Variants in CLIC6 observed in about 807,000 individuals in gnomAD.
CLIC6 encodes the protein chloride intracellular channel protein 6.
Under a neutral mutation model 49.2 loss-of-function variants are expected in CLIC6, and 39 were observed. That is an observed-to-expected ratio of 0.79 (90% CI 0.61 to 1.04). The LOEUF (loss-of-function observed/expected upper bound fraction) is 1.04. CLIC6 is among the 50% of genes least tolerant of loss of function. The pLI, the probability that CLIC6 is intolerant of heterozygous loss-of-function variation, is 0.00. For missense variants in CLIC6, 988 were observed against 993.1 expected (o/e 0.99, Z 0.07); for synonymous variants, 446 against 433.4 (o/e 1.03, Z -0.36).
At chr21:34,673,425 G>A (rs573787463) in intron 1 of CLIC6, among the ~76,000 whole-genome samples, 2 of 152,242 alleles carry the variant, frequency 1.3e-5, no homozygotes, top group East Asian at 3.9e-4. Context: ...GAGTCGCTGA[G>A]ACTACAGGCA....
chr21:34,684,499 A>C (rs555241988), intron 1 of CLIC6, among the ~76,000 whole-genome samples: 1 of 152,384 alleles, frequency 6.6e-6, no homozygotes, highest in South Asian at 2.1e-4. Flanking sequence ...ACAGCCATGT[A>C]GAAATAGCTA....
At position 34,670,345 on chromosome 21, in the gene CLIC6, G is replaced by A; in HGVS notation, c.957G>A (p.Ala319=). 1 of 1,452,122 alleles carries A rather than the reference G, an allele frequency of 6.9e-7. No homozygotes were observed. 90.0% of individuals were successfully genotyped at this position (1,452,122 alleles called of 1,614,324 possible). ...EAIEVAAGES[A]GRSPGELAWD... The stretch of plus-strand genomic sequence containing the variant: ...TTGAGGTCGCAGCCGGGGAGAGTGC[G>A]GGGCGCAGCCCCGGTGAGCTCGCCT... Residue 319 remains alanine, a synonymous_variant, in exon 1 of 6, where the codon GCG becomes GCA. Transcript: ENST00000349499.
intron 1 of CLIC6, among the ~76,000 whole-genome samples, chr21:34,691,625 G>C (rs1989996649): frequency 6.6e-6 from 1 of 151,852 alleles, no homozygotes; most frequent in South Asian, 2.1e-4. Context: ...TGAGGATATA[G>C]GGCAAGGTTT....
rs947095971 is a variant in CLIC6 at position 34,705,181 on chromosome 21, C to T, written c.1375-2099C>T. Among the ~76,000 whole-genome samples, 6 of 152,186 alleles carry T rather than the reference C, an allele frequency of 3.9e-5. No homozygotes were observed. In the East Asian group the frequency reaches 1.2e-3, roughly 29 times the overall value. On this transcript the variant is annotated intron_variant, in intron 1 of 5. Coordinates refer to ENST00000349499, the MANE Select transcript of CLIC6 (RefSeq NM_053277.3). ...GCAAGTCGGGACTGGCCAAAACATG[C>T]GTCCTTGCACTTTCTTCTCCCCGCT...
chr21:34,702,689 G>T (rs970862017), intron 1 of CLIC6, among the ~76,000 whole-genome samples: 1 of 152,174 alleles, frequency 6.6e-6, no homozygotes, highest in Non-Finnish European at 1.5e-5. Flanking sequence ...ATGCATGCTT[G>T]ACTGCCAGTG....
At chr21:34,684,082 GCTGCTTTTTTT>G (rs1568960184) in intron 1 of CLIC6, among the ~76,000 whole-genome samples, 3 of 149,516 alleles carry the variant, frequency 2.0e-5, no homozygotes, top group Non-Finnish European at 4.4e-5. Flanking sequence ...AGAAGTAAAC[GCTGCTTTTTTT>G]TTTTTTGTCC....
intron 1 of CLIC6, among the ~76,000 whole-genome samples, chr21:34,697,387 C>A (rs747191788): frequency 6.6e-6 from 1 of 152,160 alleles, no homozygotes; most frequent in Non-Finnish European, 1.5e-5. Context: ...CACTGACAGA[C>A]CTCAGCCCTG....
rs557555993 is a variant in CLIC6, at chr21:34,709,392, C to A, written c.1753C>A (p.Leu585Met). The change falls in exon 5 of 6, where the codon CTG becomes ATG. Residue 585 changes from leucine to methionine, a missense_variant. Leu to Met is a conservative substitution (Grantham distance 15). Transcript: ENST00000349499. ...GAACCTGCTGAAGGCCCTGAGGAAGCTGGATAATTACTTAAATAGCCCTCT... is the reference window on the plus strand; with the variant it reads ...GAACCTGCTGAAGGCCCTGAGGAAGATGGATAATTACTTAAATAGCCCTCT... ...EKNLLKALRK[L>M]DNYLNSPLPD... 8 of 1,614,110 alleles carry A rather than the reference C, an allele frequency of 5.0e-6. No homozygotes were observed. In the South Asian group the frequency reaches 8.8e-5, roughly 18 times the overall value.
intron 1 of CLIC6, among the ~76,000 whole-genome samples, chr21:34,698,291 G>A (rs1237903826): frequency 6.6e-6 from 1 of 152,186 alleles, no homozygotes; most frequent in Non-Finnish European, 1.5e-5. Flanking sequence ...CTGTAGGGAG[G>A]CTGACACTGT....
At chr21:34,696,839 C>CATCTCAAATATATT (rs544011961) in intron 1 of CLIC6, among the ~76,000 whole-genome samples, 74 of 152,310 alleles carry the variant, frequency 4.9e-4, no homozygotes, top group Non-Finnish European at 9.6e-4. Flanking sequence ...TTGAGAAATG[C>CATCTCAAATATATT]ATGTAATTAT....
chr21:34,709,333 T>C, intron 4 of CLIC6, 24 bp from the exon 5 acceptor site: 1 of 1,599,988 alleles, frequency 6.3e-7, no homozygotes, highest in Non-Finnish European at 8.5e-7. Context: ...CCTCTCTTTG[T>C]GATTTCTTGC....
chr21:34,706,211 G>T (rs1601284286), intron 1 of CLIC6: 1 of 513,438 alleles, frequency 1.9e-6, no homozygotes, highest in Non-Finnish European at 3.4e-6. Flanking sequence ...GAGGGCAAAG[G>T]GGGAGCAGGC....
chr21:34,694,343 G>T (rs558947585), intron 1 of CLIC6, among the ~76,000 whole-genome samples: 2 of 152,084 alleles, frequency 1.3e-5, no homozygotes, highest in African/African-American at 4.8e-5. Context: ...CTGTTGCCCA[G>T]GCTGAAGTGC....
chr21:34,684,199 G>A (rs911176687), intron 1 of CLIC6, among the ~76,000 whole-genome samples: 1 of 152,082 alleles, frequency 6.6e-6, no homozygotes, highest in African/African-American at 2.4e-5. Flanking sequence ...CTTGGGGCTG[G>A]GGGTGTAACA....
chr21:34,692,430 G>T (rs1990012781), intron 1 of CLIC6, among the ~76,000 whole-genome samples: 1 of 152,210 alleles, frequency 6.6e-6, no homozygotes, highest in South Asian at 2.1e-4. Context: ...GATTCTCCCA[G>T]ATCTCGCAAA....
At chr21:34,674,837 A>G (rs1989631968) in intron 1 of CLIC6, among the ~76,000 whole-genome samples, 1 of 152,228 alleles carries the variant, frequency 6.6e-6, no homozygotes, top group South Asian at 2.1e-4. Flanking sequence ...ACAACAGGCA[A>G]AACACTAGCA....
chr21:34,676,781 GT>G (rs1044554924), intron 1 of CLIC6, among the ~76,000 whole-genome samples: 5 of 152,142 alleles, frequency 3.3e-5, no homozygotes, highest in Non-Finnish European at 7.4e-5. Flanking sequence ...ATAATGCCTA[GT>G]ATAGATTCTT....
intron 5 of CLIC6, among the ~76,000 whole-genome samples, chr21:34,711,257 C>T (rs779889194): frequency 1.6e-4 from 24 of 152,226 alleles, no homozygotes; most frequent in Non-Finnish European, 2.6e-4. Flanking sequence ...AGCGGCCAGG[C>T]GCAGTGGCTC....
At chr21:34,686,995 T>G (rs961934252) in intron 1 of CLIC6, among the ~76,000 whole-genome samples, 8 of 152,154 alleles carry the variant, frequency 5.3e-5, no homozygotes, top group African/African-American at 1.9e-4. Flanking sequence ...AATCCTTCAC[T>G]CACAAAATCA....
Sources: allele counts gnomAD v4.1 joint callset (sites outside exome capture counted in the v4.1 genomes callset), GRCh38; gene constraint gnomAD v4.1.1; transcripts MANE v1.5; gene names NCBI Gene and HGNC (gene_info 2026-07-23, HGNC 2026-07-21).